CCDC126: variants seen among roughly 807,000 people sequenced by gnomAD.
CCDC126 encodes the protein coiled-coil domain-containing protein 126.
A neutral mutation model predicts 11.7 loss-of-function variants in CCDC126; 5 were observed. That is an observed-to-expected ratio of 0.43 (90% CI 0.22 to 0.90). The LOEUF (loss-of-function observed/expected upper bound fraction) is 0.90. Among genes scored for constraint, CCDC126 ranks in the 40% least tolerant of loss-of-function variants. The probability of loss-of-function intolerance (pLI) is 0.27; values close to 1 mark genes in which losing one functional copy is unlikely to be tolerated. For missense variants in CCDC126, 150 were observed against 163.1 expected (o/e 0.92, Z 0.44); for synonymous variants, 60 against 61.9 (o/e 0.97, Z 0.14).
intron 1 of CCDC126, 24 bp downstream of exon 1, chr7:23,597,629 C>G (rs1782442647): frequency 6.6e-6 from 1 of 152,444 alleles, no homozygotes; most frequent in Admixed American, 6.5e-5. Context: ...GGCGAGTCCG[C>G]CAGCCGGGCC....
At chr7:23,610,778 T>G (rs1782698231) in intron 2 of CCDC126, among the ~76,000 whole-genome samples, 1 of 152,054 alleles carries the variant, frequency 6.6e-6, no homozygotes, top group South Asian at 2.1e-4. Context: ...TTCCTAACTT[T>G]CATTTTGATG....
chr7:23,643,280 A>G lies in CCDC126; in HGVS notation c.*165A>G. 2 of 613,246 alleles carry G rather than the reference A, an allele frequency of 3.3e-6. No individual in the cohort carries two copies. The highest frequency in any genetic ancestry group is 2.7e-6 in the Non-Finnish European group (1 of 373,964). The allele number at this position is 613,246 out of a possible 1,614,324, so 38.0% of individuals were successfully genotyped here. On this transcript the variant is annotated 3_prime_UTR_variant, in exon 4 of 4. Coordinates refer to ENST00000307471, the MANE Select transcript of CCDC126 (RefSeq NM_138771.4). Reference sequence around the variant, plus strand: ...TGGAACTCTAATTCTGTACATAAAAATTTTAAAGTTATTTGTTTGCTTTCA... The same window carrying G: ...TGGAACTCTAATTCTGTACATAAAAGTTTTAAAGTTATTTGTTTGCTTTCA...
At chr7:23,636,245 C>G (rs1289980921) in intron 3 of CCDC126, among the ~76,000 whole-genome samples, 2 of 152,328 alleles carry the variant, frequency 1.3e-5, no homozygotes, top group African/African-American at 2.4e-5. Context: ...CCTTGGCCCC[C>G]CAAAGTGCCG....
At chr7:23,631,094 C>T (rs1399161229) in intron 3 of CCDC126, among the ~76,000 whole-genome samples, 1 of 151,400 alleles carries the variant, frequency 6.6e-6, no homozygotes, top group African/African-American at 2.4e-5. Context: ...TATTAGAGAA[C>T]CTAGAAAAAG....
chr7:23,642,375 T>C (rs1783377882), intron 3 of CCDC126, among the ~76,000 whole-genome samples: 1 of 152,198 alleles, frequency 6.6e-6, no homozygotes, highest in South Asian at 2.1e-4. Context: ...AACCAGACTT[T>C]AAAATCCATT....
At chr7:23,622,662 G>C (rs1161534421) in intron 3 of CCDC126, 1 of 534,148 alleles carries the variant, frequency 1.9e-6, no homozygotes, top group East Asian at 5.4e-5. Context: ...ACACACAAAG[G>C]AACCTATGCA....
chr7:23,643,095 G>C lies in CCDC126; in HGVS notation c.403G>C (p.Val135Leu), dbSNP rs769612363. 33 of 1,613,982 alleles carry C rather than the reference G, an allele frequency of 2.0e-5. No homozygotes were observed. In the South Asian group the frequency reaches 3.6e-4, roughly 18 times the overall value. ...VPVTTNKRTN[V>L]SGSIR ...AGTAACCACAAATAAAAGAACGAAT[G>C]TCTCGGGCAGTATCAGATAGCAGTT... Residue 135 changes from valine (V) to leucine (L), a missense_variant, in exon 4 of 4, where the codon GTC becomes CTC. Physicochemically the swap from Val to Leu is conservative, Grantham distance 32. Coordinates refer to ENST00000307471, the MANE Select transcript of CCDC126 (RefSeq NM_138771.4).
At chr7:23,622,485 A>G (rs977503343) in intron 3 of CCDC126, 70 of 442,786 alleles carry the variant, frequency 1.6e-4, no homozygotes, top group Non-Finnish European at 2.8e-4. Flanking sequence ...AACTTTATCA[A>G]CTTTTCCTTA....
chr7:23,638,136 A>T (rs1379936573), intron 3 of CCDC126, among the ~76,000 whole-genome samples: 19 of 122,262 alleles, frequency 1.6e-4, no homozygotes, highest in East Asian at 5.4e-4. Context: ...ATCCGGGAGG[A>T]GAGGGGCGCT....
intron 3 of CCDC126, among the ~76,000 whole-genome samples, chr7:23,626,063 A>G (rs1358489952): frequency 6.6e-6 from 1 of 151,746 alleles, no homozygotes; most frequent in African/African-American, 2.4e-5. Flanking sequence ...AATTTTATGT[A>G]GTAAAATACA....
chr7:23,601,149 T>C (rs1782534940), intron 2 of CCDC126, among the ~76,000 whole-genome samples: 1 of 151,952 alleles, frequency 6.6e-6, no homozygotes, highest in Admixed American at 6.6e-5. Flanking sequence ...TTTGGGAAGC[T>C]GAGGCAGGAA....
At chr7:23,625,422 T>C (rs1433905724) in intron 3 of CCDC126, among the ~76,000 whole-genome samples, 1 of 152,184 alleles carries the variant, frequency 6.6e-6, no homozygotes, top group Non-Finnish European at 1.5e-5. Flanking sequence ...TATACCACTT[T>C]CCCGTCAGTG....
chr7:23,626,427 A>G (rs1584209490), intron 3 of CCDC126, among the ~76,000 whole-genome samples: 1 of 152,246 alleles, frequency 6.6e-6, no homozygotes, highest in Middle Eastern at 3.4e-3. Flanking sequence ...TATTGAATGG[A>G]CCTCTTTTGA....
At position 23,641,398 on chromosome 7, in the gene CCDC126, G is replaced by A. The variant is rs149785293; in HGVS notation, c.239-1533G>A. Reference sequence around the variant, plus strand: ...TGTAAGAGATCTTTATATATTCTAGGTAGTAGATCTTTATCAAATTTATGG... The same window carrying A: ...TGTAAGAGATCTTTATATATTCTAGATAGTAGATCTTTATCAAATTTATGG... On this transcript the variant is annotated intron_variant, in intron 3 of 3. Transcript: ENST00000307471. 1.7e-4 allele frequency among the ~76,000 whole-genome samples: 26 copies of A among 152,198 alleles called. 2 individuals carry two copies. Among genetic ancestry groups the A allele is most frequent in the African/African-American group, 3.9e-4 (16 of 41,514 alleles).
At chr7:23,629,369 A>G (rs1349260062) in intron 3 of CCDC126, among the ~76,000 whole-genome samples, 2 of 152,200 alleles carry the variant, frequency 1.3e-5, no homozygotes, top group African/African-American at 4.8e-5. Context: ...CTCTCAGCAG[A>G]TACCAAATCT....
chr7:23,635,039 G>C (rs1205576175), intron 3 of CCDC126, among the ~76,000 whole-genome samples: 2 of 152,066 alleles, frequency 1.3e-5, no homozygotes, highest in African/African-American at 4.8e-5. Context: ...AAATAATCAG[G>C]CTAGGTCTAT....
intron 3 of CCDC126, among the ~76,000 whole-genome samples, chr7:23,611,971 G>A (rs897530417): frequency 6.6e-6 from 1 of 152,004 alleles, no homozygotes; most frequent in Non-Finnish European, 1.5e-5. Flanking sequence ...GTAAAACCCC[G>A]TCTCTACTGA....
intron 2 of CCDC126, among the ~76,000 whole-genome samples, chr7:23,607,172 G>C (rs1246215869): frequency 6.6e-6 from 1 of 152,114 alleles, no homozygotes; most frequent in East Asian, 1.9e-4. Context: ...TTTTTTAAGT[G>C]ATTAATAGAA....
rs1226044263 is a variant in CCDC126, at chr7:23,638,087, G to A, written c.239-4844G>A. 1.4e-4 allele frequency among the ~76,000 whole-genome samples: 19 copies of A among 131,790 alleles called. No individual in the cohort carries two copies. The East Asian group carries it at 3.2e-3, about 22-fold the overall frequency. The allele number at this position is 131,790 out of a possible 152,430, so 86.5% of individuals were successfully genotyped here. On this transcript the variant is annotated intron_variant, in intron 3 of 3. Coordinates refer to ENST00000307471, the MANE Select transcript of CCDC126 (RefSeq NM_138771.4). ...CTGGCCAGCCGCCCCGTCCGGGAGG[G>A]TGGTGGGGGGGTCAGCCCCCCGCCC...
Sources: allele counts gnomAD v4.1 joint callset (sites outside exome capture counted in the v4.1 genomes callset), GRCh38; gene constraint gnomAD v4.1.1; transcripts MANE v1.5; gene names NCBI Gene and HGNC (gene_info 2026-07-23, HGNC 2026-07-21).